Variants in CLYBL observed in about 807,000 individuals in gnomAD.
CLYBL encodes the protein citramalyl-CoA lyase, also known as citramalyl-CoA lyase, mitochondrial.
Under a neutral mutation model 38.9 loss-of-function variants are expected in CLYBL, and 31 were observed. The observed-to-expected ratio is 0.80, with a 90% CI of 0.60 to 1.08. CLYBL has a LOEUF of 1.08. CLYBL is among the 50% of genes least tolerant of loss of function. The pLI, the probability that CLYBL is intolerant of heterozygous loss-of-function variation, is 0.00. For synonymous variants in CLYBL, 171 were observed against 158.6 expected (o/e 1.08, Z -0.59); for missense variants, 434 against 411.6 (o/e 1.05, Z -0.47).
rs576877739 is a variant in CLYBL at position 99,680,138 on chromosome 13, A to G, written c.62+73381A>G. On this transcript the variant is annotated intron_variant, in intron 1 of 8. Coordinates refer to ENST00000339105, the MANE Select transcript of CLYBL (RefSeq NM_206808.5). ...CCTACTAATTAATGGGGGAATTTCAATATGGCAGTGCCTATGACAGCAAAT... is the reference window on the plus strand; with the variant it reads ...CCTACTAATTAATGGGGGAATTTCAGTATGGCAGTGCCTATGACAGCAAAT... 6.6e-5 allele frequency among the ~76,000 whole-genome samples: 10 copies of G among 152,312 alleles called. No homozygotes were observed. In the South Asian group the frequency reaches 1.9e-3, roughly 28 times the overall value.
intron 1 of CLYBL, among the ~76,000 whole-genome samples, chr13:99,669,008 T>C (rs1293342549): frequency 6.8e-6 from 1 of 146,360 alleles, no homozygotes; most frequent in Non-Finnish European, 1.5e-5. Flanking sequence ...GCCCTCAGCT[T>C]TTTTTTTTTT....
chr13:99,715,008 T>C (rs1015207116), intron 1 of CLYBL, among the ~76,000 whole-genome samples: 6 of 152,144 alleles, frequency 3.9e-5, no homozygotes, highest in African/African-American at 1.4e-4. Context: ...GAGTTATTTG[T>C]GTATGGAACT....
intron 2 of CLYBL, among the ~76,000 whole-genome samples, chr13:99,844,012 C>T (rs7986079): frequency 0.057 from 8,676 of 152,286 alleles, 825 homozygotes; most frequent in African/African-American, 0.2. Context: ...GATACCCTGC[C>T]TGTGGCTGAG....
intron 1 of CLYBL, among the ~76,000 whole-genome samples, chr13:99,742,111 A>G (rs2139603529): frequency 6.6e-6 from 1 of 152,334 alleles, no homozygotes; most frequent in East Asian, 1.9e-4. Context: ...TTTCAGCTGC[A>G]ATTACATTTG....
chr13:99,710,902 T>C (rs1259613899), intron 1 of CLYBL, among the ~76,000 whole-genome samples: 1 of 150,190 alleles, frequency 6.7e-6, no homozygotes, highest in Non-Finnish European at 1.5e-5. Flanking sequence ...TTTTTTTTTT[T>C]TTGAGACAGA....
At chr13:99,783,515 G>C (rs1427779088) in intron 2 of CLYBL, among the ~76,000 whole-genome samples, 1 of 151,476 alleles carries the variant, frequency 6.6e-6, no homozygotes, top group East Asian at 1.9e-4. Context: ...GGAGTGCAGT[G>C]GTGCGATCTC....
chr13:99,841,308 TA>T (rs983068664), intron 2 of CLYBL, among the ~76,000 whole-genome samples: 1 of 152,198 alleles, frequency 6.6e-6, no homozygotes, highest in Non-Finnish European at 1.5e-5. Flanking sequence ...AGAGAAAAAG[TA>T]ATACGTTTTC....
At chr13:99,855,666 C>T (rs1036524826) in intron 2 of CLYBL, among the ~76,000 whole-genome samples, 1 of 150,918 alleles carries the variant, frequency 6.6e-6, no homozygotes, top group African/African-American at 2.4e-5. Context: ...GTGACTCTCT[C>T]GAACTGAACA....
At chr13:99,803,584 A>G (rs73572506) in intron 2 of CLYBL, among the ~76,000 whole-genome samples, 5,161 of 152,304 alleles carry the variant, frequency 0.034, 293 homozygotes, top group African/African-American at 0.12. Flanking sequence ...CTTTCCTAAT[A>G]TGTGTAATGG....
chr13:99,650,220 G>A (rs374211038), intron 1 of CLYBL, among the ~76,000 whole-genome samples: 10 of 151,944 alleles, frequency 6.6e-5, no homozygotes, highest in South Asian at 2.1e-4. Context: ...CAGAGATTGC[G>A]CCACTGCACT....
chr13:99,802,596 T>A (rs539481895), intron 2 of CLYBL, among the ~76,000 whole-genome samples: 1 of 152,342 alleles, frequency 6.6e-6, no homozygotes, highest in South Asian at 2.1e-4. Context: ...TCTCACTTGC[T>A]GCAGGTAAAT....
intron 2 of CLYBL, among the ~76,000 whole-genome samples, chr13:99,832,907 G>T (rs981242328): frequency 5.6e-4 from 81 of 145,940 alleles, no homozygotes; most frequent in African/African-American, 2.0e-3. Context: ...AAACCCAAAA[G>T]AATTCATTAT....
At chr13:99,860,442 GTTC>G (rs1265670593) in intron 3 of CLYBL, among the ~76,000 whole-genome samples, 1 of 152,186 alleles carries the variant, frequency 6.6e-6, no homozygotes, top group African/African-American at 2.4e-5. Context: ...CTAAGCTGGA[GTTC>G]TTCTCTCCAG....
intron 1 of CLYBL, among the ~76,000 whole-genome samples, chr13:99,722,037 A>G (rs2048400990): frequency 6.6e-6 from 1 of 152,206 alleles, no homozygotes; most frequent in Non-Finnish European, 1.5e-5. Context: ...TAATCCCTGC[A>G]TTTGCTCTTA....
At chr13:99,819,311 C>T (rs2050525995) in intron 2 of CLYBL, among the ~76,000 whole-genome samples, 1 of 149,376 alleles carries the variant, frequency 6.7e-6, no homozygotes, top group South Asian at 2.1e-4. Flanking sequence ...TGCCACTGCA[C>T]TCCAGTCTGG....
At chr13:99,764,876 T>TC (rs1053282018) in intron 1 of CLYBL, among the ~76,000 whole-genome samples, 5 of 151,418 alleles carry the variant, frequency 3.3e-5, no homozygotes, top group African/African-American at 1.2e-4. Flanking sequence ...AGATGGGGTC[T>TC]CACAGGTCTC....
intron 1 of CLYBL, among the ~76,000 whole-genome samples, chr13:99,676,868 GTGC>G (rs1020330547): frequency 1.3e-5 from 2 of 151,980 alleles, no homozygotes; most frequent in African/African-American, 2.4e-5. Flanking sequence ...GCCTCCCAGA[GTGC>G]TGGGATTACA....
At chr13:99,646,903 A>C (rs552236127) in intron 1 of CLYBL, among the ~76,000 whole-genome samples, 7 of 152,230 alleles carry the variant, frequency 4.6e-5, no homozygotes, top group African/African-American at 1.7e-4. Context: ...TGCGATAGCT[A>C]CTTCTCAGTA....
At position 99,889,796 on chromosome 13, in the gene CLYBL, C is replaced by G. The variant is rs556838549; in HGVS notation, c.928-1522C>G. Among the ~76,000 whole-genome samples, 6 of 152,312 alleles carry G rather than the reference C, an allele frequency of 3.9e-5. No homozygotes were observed. The South Asian group carries it at 1.0e-3, about 26-fold the overall frequency. ...TAAGTTACTACCTCTCAGCCCTCAT[C>G]ATGAGAGCCCAGCACTCCTGTCCCG... On this transcript the variant is annotated intron_variant, in intron 7 of 8. Coordinates refer to ENST00000339105, the MANE Select transcript of CLYBL (RefSeq NM_206808.5).
Sources: allele counts gnomAD v4.1 joint callset (sites outside exome capture counted in the v4.1 genomes callset), GRCh38; gene constraint gnomAD v4.1.1; transcripts MANE v1.5; gene names NCBI Gene and HGNC (gene_info 2026-07-23, HGNC 2026-07-21).